Variants in METTL15 observed in about 807,000 individuals in gnomAD.
METTL15 encodes the protein 12S rRNA N(4)-cytidine methyltransferase METTL15.
Under a neutral mutation model 38.3 loss-of-function variants are expected in METTL15, and 34 were observed. The ratio of observed to expected loss-of-function variants is 0.89; its 90% CI spans 0.68 to 1.18. The LOEUF (loss-of-function observed/expected upper bound fraction) is 1.18. Ranked by LOEUF, METTL15 falls within the 50% of genes most tolerant of loss-of-function variation. METTL15 has a pLI of 0.00. For missense variants in METTL15, 438 were observed against 498.4 expected, an observed-to-expected ratio of 0.88 and a Z score of 1.15; for synonymous variants, 162 against 170.9, an observed-to-expected ratio of 0.95 and a Z score of 0.41.
intron 6 of METTL15, among the ~76,000 whole-genome samples, chr11:28,467,196 A>G (rs1564939511): frequency 6.6e-6 from 1 of 152,162 alleles, no homozygotes; most frequent in East Asian, 1.9e-4. Flanking sequence ...AACCGTCTAG[A>G]CTTCTCCCTC....
At chr11:28,410,129 T>C (rs1280444929) in intron 5 of METTL15, among the ~76,000 whole-genome samples, 1 of 152,064 alleles carries the variant, frequency 6.6e-6, no homozygotes, top group Non-Finnish European at 1.5e-5. Context: ...ACTAAAAACC[T>C]TCCAACAAAG....
intron 4 of METTL15, among the ~76,000 whole-genome samples, chr11:28,219,980 A>G (rs1381404033): frequency 1.3e-5 from 2 of 152,086 alleles, no homozygotes; most frequent in East Asian, 3.8e-4. Flanking sequence ...TTTATTTCCA[A>G]CTATGTGGTC....
At chr11:28,364,016 C>T (rs980393444) in intron 5 of METTL15, among the ~76,000 whole-genome samples, 1 of 152,044 alleles carries the variant, frequency 6.6e-6, no homozygotes, top group African/African-American at 2.4e-5. Flanking sequence ...CTTCTGGGTT[C>T]TCTATTCTGT....
intron 6 of METTL15, among the ~76,000 whole-genome samples, chr11:28,456,840 C>G (rs1234337184): frequency 6.6e-6 from 1 of 152,132 alleles, no homozygotes; most frequent in Non-Finnish European, 1.5e-5. Flanking sequence ...GTTATCCTAA[C>G]CTAAGCACCA....
At chr11:28,266,638 C>G (rs185258730) in intron 4 of METTL15, among the ~76,000 whole-genome samples, 3 of 152,236 alleles carry the variant, frequency 2.0e-5, no homozygotes, top group East Asian at 1.9e-4. Context: ...ATCTTATTGC[C>G]TCTAACTTCA....
At chr11:28,385,047 T>G (rs1229199789) in intron 5 of METTL15, among the ~76,000 whole-genome samples, 1 of 152,192 alleles carries the variant, frequency 6.6e-6, no homozygotes, top group Non-Finnish European at 1.5e-5. Context: ...ATATTAGACT[T>G]TTGTCAAGTT....
At chr11:28,514,268 G>C (rs781286202) in intron 6 of METTL15, among the ~76,000 whole-genome samples, 1 of 152,190 alleles carries the variant, frequency 6.6e-6, no homozygotes, top group Non-Finnish European at 1.5e-5. Context: ...AGTTAGTCAA[G>C]TCAGAACCTG....
intron 3 of METTL15, among the ~76,000 whole-genome samples, chr11:28,185,553 G>A (rs187169750): frequency 2.4e-4 from 37 of 151,450 alleles, no homozygotes; most frequent in African/African-American, 8.7e-4. Context: ...AATTTTATTA[G>A]TGATAGTTCA....
rs1478149899 is a variant in METTL15, at chr11:28,162,626, C to T, written c.271-48436C>T. On this transcript the variant is annotated intron_variant, in intron 3 of 6. Coordinates refer to ENST00000407364, the MANE Select transcript of METTL15 (RefSeq NM_001113528.2). ...ATAAGTCAAAAATGTATTGAATATA[C>T]TTAACCTACTGAACATCATTGCTTA... Among the ~76,000 whole-genome samples, 3 of 152,224 alleles carry T rather than the reference C, an allele frequency of 2.0e-5. No homozygotes were observed. The East Asian group carries it at 5.8e-4, about 29-fold the overall frequency.
intron 6 of METTL15, among the ~76,000 whole-genome samples, chr11:28,476,610 G>A (rs1017570166): frequency 6.6e-5 from 10 of 152,044 alleles, no homozygotes; most frequent in East Asian, 1.9e-4. Flanking sequence ...ATATGTCCTC[G>A]TTCTTTCCTA....
chr11:28,152,323 C>T (rs925028548), intron 3 of METTL15, among the ~76,000 whole-genome samples: 1 of 151,618 alleles, frequency 6.6e-6, no homozygotes, highest in Non-Finnish European at 1.5e-5. Context: ...TACTAATGTC[C>T]CTTATGTTGA....
intron 4 of METTL15, among the ~76,000 whole-genome samples, chr11:28,254,186 A>C (rs1854872748): frequency 1.3e-5 from 2 of 152,156 alleles, no homozygotes; most frequent in South Asian, 4.1e-4. Context: ...CTGGAGTGAG[A>C]TGACATCTCA....
At chr11:28,437,433 G>T (rs1309254923) in intron 6 of METTL15, among the ~76,000 whole-genome samples, 1 of 152,274 alleles carries the variant, frequency 6.6e-6, no homozygotes, top group East Asian at 1.9e-4. Flanking sequence ...CACATATAGG[G>T]ATGCAACATG....
At chr11:28,473,537 T>C (rs1297957047) in intron 6 of METTL15, among the ~76,000 whole-genome samples, 1 of 152,154 alleles carries the variant, frequency 6.6e-6, no homozygotes, top group African/African-American at 2.4e-5. Context: ...TCATGCTGGA[T>C]GTGGATACAT....
chr11:28,521,015 C>CT lies in METTL15; in HGVS notation c.*425-5450dup, dbSNP rs759197367. ...GCTGGTTTACAAAACTATCAAACTT[C>CT]TTTTTTTTTTTTTAACTTCAGGAAC... On this transcript the variant is annotated intron_variant and NMD_transcript_variant, in intron 6 of 7. Coordinates refer to the METTL15 transcript ENST00000532947. Among the ~76,000 whole-genome samples the CT allele has an allele frequency of 7.8e-3, 1,131 of 144,752 alleles. 6 individuals are homozygous for CT. Among genetic ancestry groups the CT allele is most frequent in the African/African-American group, 9.8e-3 (387 of 39,512 alleles). The allele number at this position is 144,752 out of a possible 152,430, so 95.0% of individuals were successfully genotyped here. A position where few individuals can be genotyped will look rare whatever the true frequency, so the allele number is the denominator to read the frequency against.
At chr11:28,329,503 C>T (rs1849745970) in intron 6 of METTL15, among the ~76,000 whole-genome samples, 1 of 152,048 alleles carries the variant, frequency 6.6e-6, no homozygotes, top group African/African-American at 2.4e-5. Context: ...AGCTGGAATT[C>T]TGATAGGGAT....
At chr11:28,126,330 T>G (rs1852484760) in intron 3 of METTL15, among the ~76,000 whole-genome samples, 1 of 151,992 alleles carries the variant, frequency 6.6e-6, no homozygotes, top group South Asian at 2.1e-4. Flanking sequence ...TACCATTCTC[T>G]TTTTCTTCTT....
intron 3 of METTL15, among the ~76,000 whole-genome samples, chr11:28,169,134 A>G (rs1850762158): frequency 6.6e-6 from 1 of 152,192 alleles, no homozygotes; most frequent in South Asian, 2.1e-4. Flanking sequence ...TATGTTTAAT[A>G]ATGTAGGCAA....
intron 3 of METTL15, among the ~76,000 whole-genome samples, chr11:28,156,515 A>G (rs148037419): frequency 2.7e-4 from 41 of 152,256 alleles, no homozygotes; most frequent in African/African-American, 9.6e-4. Flanking sequence ...ATAGATAAAT[A>G]TATTTGCCCA....
Sources: gnomAD v4.1 joint callset for allele counts (sites outside exome capture counted in the v4.1 genomes callset) on GRCh38, gnomAD v4.1.1 for gene constraint, MANE v1.5 for transcripts, NCBI Gene and HGNC (gene_info 2026-07-23, HGNC 2026-07-21) for gene names.